Variants in AHNAK observed in about 807,000 individuals in gnomAD.
AHNAK encodes neuroblast differentiation-associated protein AHNAK.
Under a neutral mutation model 37.8 loss-of-function variants are expected in AHNAK, and 23 were observed. The ratio of observed to expected loss-of-function variants is 0.61; its 90% CI spans 0.44 to 0.86. The LOEUF (loss-of-function observed/expected upper bound fraction) is 0.86, where lower values mean the gene tolerates loss of function less well. Among genes scored for constraint, AHNAK ranks in the 40% least tolerant of loss-of-function variants. The pLI is 0.00. For synonymous variants in AHNAK, 2,481 were observed against 2,636.3 expected, an observed-to-expected ratio of 0.94 and a Z score of 1.80; for missense variants, 7,411 against 7,319.4, an observed-to-expected ratio of 1.01 and a Z score of -0.46.
intron 5 of AHNAK, among the ~76,000 whole-genome samples, chr11:62,452,117 A>G (rs1938552558): frequency 6.6e-6 from 1 of 152,064 alleles, no homozygotes; most frequent in Non-Finnish European, 1.5e-5. Flanking sequence ...CAGCCTGCAA[A>G]CTAATCTTAA....
Position 62,532,931 on chromosome 11 carries a change from G to C in AHNAK, c.1486C>G (p.Gln496Glu). ...TKVKTPEMII[Q>E]KPKISMQDVD... ...TCCTGCATGGAGATTTTAGGTTTCTGAATAATCATTTCAGGAGTCTTCACT... is the reference window on the plus strand; with the variant it reads ...TCCTGCATGGAGATTTTAGGTTTCTCAATAATCATTTCAGGAGTCTTCACT... Residue 496 changes from glutamine (Q) to glutamate (E), a missense_variant, in exon 5 of 5, where the codon CAG becomes GAG. Transcript: ENST00000378024. The C allele has an allele frequency of 6.2e-7, 1 of 1,614,088 alleles. No homozygotes were observed. Among genetic ancestry groups the C allele is most frequent in the South Asian group, 1.1e-5 (1 of 91,074 alleles).
chr11:62,536,391 C>A, intron 2 of AHNAK, 78 bp downstream of exon 2: 1 of 321,830 alleles, frequency 3.1e-6, no homozygotes, highest in Non-Finnish European at 5.7e-6. Flanking sequence ...CCCACGGCCC[C>A]AGCCTCCCAT....
At chr11:62,510,019 C>T (rs1939880150) in intron 4 of AHNAK, among the ~76,000 whole-genome samples, 2 of 152,032 alleles carry the variant, frequency 1.3e-5, no homozygotes, top group Non-Finnish European at 2.9e-5. Flanking sequence ...TGTTTTGTTT[C>T]CTGAATTTAA....
At chr11:62,545,353 A>C (rs932475249) in intron 1 of AHNAK, among the ~76,000 whole-genome samples, 20 of 151,670 alleles carry the variant, frequency 1.3e-4, no homozygotes, top group Admixed American at 1.2e-3. Context: ...CCCCCTCCGC[A>C]CCCCTCCCAG....
At chr11:62,538,616 A>T (rs1941028375) in intron 1 of AHNAK, among the ~76,000 whole-genome samples, 1 of 152,190 alleles carries the variant, frequency 6.6e-6, no homozygotes, top group South Asian at 2.1e-4. Context: ...TGCACTACAG[A>T]CGGAACCAGC....
intron 5 of AHNAK, among the ~76,000 whole-genome samples, chr11:62,465,613 AAAAT>A (rs533658839): frequency 1.5e-3 from 235 of 152,142 alleles, no homozygotes; most frequent in Middle Eastern, 3.4e-3. Context: ...ACTCCGTCTC[AAAAT>A]AAATAAATAA....
chr11:62,519,624 T>A lies in AHNAK; in HGVS notation c.14793A>T (p.Gly4931=). 6.2e-7 allele frequency: 1 copy of A among 1,613,696 alleles called. No homozygotes were observed. The highest frequency in any genetic ancestry group is 2.2e-5 in the East Asian group (1 of 44,866). Residue 4931 remains glycine, a synonymous_variant, in exon 5 of 5, where the codon GGA becomes GGT. Transcript: ENST00000378024. The part of the protein sequence containing the change: ...VDLHLKAPKI[G]FSGPKLEGGE... ...CACCTTCTAACTTCGGACCTGAAAATCCAATTTTTGGTGCCTTGAGATGCA... is the reference window on the plus strand; with the variant it reads ...CACCTTCTAACTTCGGACCTGAAAAACCAATTTTTGGTGCCTTGAGATGCA...
At position 62,532,825 on chromosome 11, in the gene AHNAK, C is replaced by T; in HGVS notation, c.1592G>A (p.Gly531Asp). 1 of 1,614,058 alleles carries T rather than the reference C, an allele frequency of 6.2e-7. No homozygotes were observed. Among genetic ancestry groups the T allele is most frequent in the Non-Finnish European group, 8.5e-7 (1 of 1,179,958 alleles). ...GGAGCCTTTAAGTGCCACTTGAGGG[C>T]CTTTAACATCACCTTGCACCCCAGG... ...SAPGVQGDVK[G>D]PQVALKGSRV... Residue 531 changes from glycine to aspartate, a missense_variant, in exon 5 of 5, where the codon GGC becomes GAC. By Grantham distance (94) the Gly-to-Asp change is moderately conservative. Coordinates refer to ENST00000378024, the MANE Select transcript of AHNAK (RefSeq NM_001620.3).
chr11:62,493,202 C>G (rs1939535561), intron 4 of AHNAK, among the ~76,000 whole-genome samples: 2 of 150,562 alleles, frequency 1.3e-5, no homozygotes, highest in African/African-American at 4.9e-5. Context: ...TTAGTAGAGA[C>G]AGGGTTTCAC....
chr11:62,457,810 G>A (rs1029848665), intron 5 of AHNAK, among the ~76,000 whole-genome samples: 5 of 151,884 alleles, frequency 3.3e-5, no homozygotes, highest in African/African-American at 1.2e-4. Context: ...GACATGGGCC[G>A]AAAACTACCT....
chr11:62,433,859 G>A (rs936452937), exon 6 of AHNAK: 23 of 1,613,658 alleles, frequency 1.4e-5, no homozygotes, highest in Non-Finnish European at 1.9e-5. Flanking sequence ...ACCTTAAGAG[G>A]GGGTGGTTTT....
At chr11:62,440,647 C>T (rs987168163) in intron 5 of AHNAK, among the ~76,000 whole-genome samples, 3 of 152,070 alleles carry the variant, frequency 2.0e-5, no homozygotes, top group Middle Eastern at 3.2e-3. Flanking sequence ...GGAAATGATG[C>T]TTATGCTGCC....
chr11:62,520,172 C>G lies in AHNAK; in HGVS notation c.14245G>C (p.Asp4749His). 6.2e-7 allele frequency: 1 copy of G among 1,613,480 alleles called. No homozygotes were observed. Among genetic ancestry groups the G allele is most frequent in the Non-Finnish European group, 8.5e-7 (1 of 1,179,928 alleles). The change falls in exon 5 of 5, where the codon GAC becomes CAC. Residue 4749 changes from aspartate (D) to histidine (H), a missense_variant. Coordinates refer to ENST00000378024, the MANE Select transcript of AHNAK (RefSeq NM_001620.3). ...VDVTLPKVEG[D>H]LKGPEADIKG... ...ATGTCAGCTTCTGGGCCCTTGAGGTCACCTTCCACTTTAGGAAGGGTAACA... is the reference window on the plus strand; with the variant it reads ...ATGTCAGCTTCTGGGCCCTTGAGGTGACCTTCCACTTTAGGAAGGGTAACA...
Position 62,516,505 on chromosome 11 carries a change from A to C in AHNAK, c.*239T>G. The C allele has an allele frequency of 7.2e-7, 1 of 1,384,120 alleles. No individual in the cohort carries two copies. The highest frequency in any genetic ancestry group is 9.3e-7 in the Non-Finnish European group (1 of 1,072,050). The allele number at this position is 1,384,120 out of a possible 1,614,324, so 85.7% of individuals were successfully genotyped here. On this transcript the variant is annotated 3_prime_UTR_variant, in exon 5 of 5. Coordinates refer to ENST00000378024, the MANE Select transcript of AHNAK (RefSeq NM_001620.3). ...AAAAATATATATATATGAAATCTTA[A>C]GGCAAATACTGTTGACTTTGCACAT...
At chr11:62,464,709 T>C (rs1041965645) in intron 5 of AHNAK, among the ~76,000 whole-genome samples, 15 of 151,042 alleles carry the variant, frequency 9.9e-5, no homozygotes, top group African/African-American at 3.6e-4. Context: ...CATGTACCTG[T>C]AGTCCCAGCT....
Position 62,517,033 on chromosome 11 carries a change from G to T in AHNAK, c.17384C>A (p.Pro5795Gln). Residue 5795 changes from proline to glutamine, a missense_variant, in exon 5 of 5, where the codon CCG (proline) becomes CAG (glutamine). Physicochemically the swap from Pro to Gln is moderately conservative, Grantham distance 76. Coordinates refer to ENST00000378024, the MANE Select transcript of AHNAK (RefSeq NM_001620.3). ...DEREFSGPSTPTGTLEFEGGE... is the reference protein window; with the variant it reads ...DEREFSGPSTQTGTLEFEGGE... ...ACCTTCAAACTCCAGCGTCCCCGTC[G>T]GGGTGGAAGGTCCAGAGAACTCTCT... The T allele has an allele frequency of 6.2e-7, 1 of 1,614,140 alleles. No homozygotes were observed. The highest frequency in any genetic ancestry group is 8.5e-7 in the Non-Finnish European group (1 of 1,180,010).
rs142307513 is a variant in AHNAK at position 62,531,918 on chromosome 11, C to A, written c.2499G>T (p.Lys833Asn). ...VDLHLKGPNV[K>N]GEYDVTMPKV... ...TTGGCATTGTGACATCATATTCTCC[C>A]TTTACGTTAGGGCCTTTCAGATGTA... The change falls in exon 5 of 5, where the codon AAG becomes AAT. Residue 833 changes from lysine to asparagine, a missense_variant. Coordinates refer to ENST00000378024, the MANE Select transcript of AHNAK (RefSeq NM_001620.3). 8 of 1,613,482 alleles carry A rather than the reference C, an allele frequency of 5.0e-6. No homozygotes were observed. The highest frequency in any genetic ancestry group is 1.6e-4 in the Middle Eastern group (1 of 6,082).
At chr11:62,436,254 T>C (rs566853640) in intron 5 of AHNAK, among the ~76,000 whole-genome samples, 1 of 152,168 alleles carries the variant, frequency 6.6e-6, no homozygotes. Context: ...GTGGGGGAAC[T>C]TGGGGTTCAC....
At chr11:62,445,885 G>A (rs757021915) in intron 5 of AHNAK, among the ~76,000 whole-genome samples, 2 of 151,782 alleles carry the variant, frequency 1.3e-5, no homozygotes, top group Non-Finnish European at 1.5e-5. Context: ...GCGTGGTAGC[G>A]GGTGCCTGTA....
Sources: allele counts gnomAD v4.1 joint callset (sites outside exome capture counted in the v4.1 genomes callset), GRCh38; gene constraint gnomAD v4.1.1; transcripts MANE v1.5; gene names NCBI Gene and HGNC (gene_info 2026-07-23, HGNC 2026-07-21).